The following FGF12 variants were observed in gnomAD, a reference collection of about 807,000 sequenced individuals.
FGF12 encodes fibroblast growth factor 12.
In FGF12, 14 loss-of-function variants were observed where a neutral mutation model predicts 23.6. The observed-to-expected ratio is 0.59, with a 90% CI of 0.39 to 0.93. FGF12 has a LOEUF of 0.93. Ranked by LOEUF, FGF12 falls within the 40% of genes least tolerant of loss-of-function variation. FGF12 has a pLI of 0.00. For synonymous variants in FGF12, 62 were observed against 77.3 expected (o/e 0.80, Z 1.04); for missense variants, 175 against 217.8 (o/e 0.80, Z 1.24).
At chr3:192,473,505 C>T (rs1048144955) in intron 2 of FGF12, among the ~76,000 whole-genome samples, 19 of 152,120 alleles carry the variant, frequency 1.2e-4, no homozygotes, top group African/African-American at 4.3e-4. Flanking sequence ...TTTCTATCTA[C>T]GTGAAAGAAA....
At chr3:192,440,604 C>T (rs1345487345) in intron 2 of FGF12, among the ~76,000 whole-genome samples, 2 of 152,290 alleles carry the variant, frequency 1.3e-5, no homozygotes, top group East Asian at 1.9e-4. Flanking sequence ...ACTAACCCTC[C>T]GCTTTTTCCT....
chr3:192,448,778 ATAT>A (rs1280449141), intron 2 of FGF12, among the ~76,000 whole-genome samples: 28 of 152,182 alleles, frequency 1.8e-4, no homozygotes, highest in Non-Finnish European at 2.9e-4. Flanking sequence ...ATTTCAATAA[ATAT>A]TATTTTTTAT....
At chr3:192,571,462 G>C (rs1035456091) in intron 2 of FGF12, among the ~76,000 whole-genome samples, 1 of 152,244 alleles carries the variant, frequency 6.6e-6, no homozygotes, top group Non-Finnish European at 1.5e-5. Flanking sequence ...GCGACGGAGC[G>C]CGCGAGCAGC....
chr3:192,620,132 C>T (rs780379800), intron 2 of FGF12, among the ~76,000 whole-genome samples: 2 of 152,060 alleles, frequency 1.3e-5, no homozygotes, highest in South Asian at 4.1e-4. Flanking sequence ...TCCATTTTTG[C>T]CGACCTCACT....
chr3:192,560,196 A>T (rs1042344274), intron 2 of FGF12, among the ~76,000 whole-genome samples: 1 of 152,090 alleles, frequency 6.6e-6, no homozygotes, highest in African/African-American at 2.4e-5. Context: ...TCACGAAAAC[A>T]AATCACTCTA....
intron 2 of FGF12, among the ~76,000 whole-genome samples, chr3:192,370,473 T>A (rs1719178877): frequency 6.6e-6 from 1 of 152,132 alleles, no homozygotes; most frequent in South Asian, 2.1e-4. Flanking sequence ...ATCCCAGAAG[T>A]TCAAGGCTGC....
intron 2 of FGF12, among the ~76,000 whole-genome samples, chr3:192,551,394 AGGCCCTT>A (rs1221702746): frequency 6.6e-6 from 1 of 152,254 alleles, no homozygotes. Flanking sequence ...GGTTGCCCTC[AGGCCCTT>A]GGCCAAAAGA....
At chr3:192,571,079 T>TGCG (rs1712611445) in intron 2 of FGF12, among the ~76,000 whole-genome samples, 1 of 143,436 alleles carries the variant, frequency 7.0e-6, no homozygotes, top group Non-Finnish European at 1.6e-5. Flanking sequence ...ACATTGGTGT[T>TGCG]GGGGGGAAAA....
chr3:192,438,050 C>T (rs1722081714), intron 2 of FGF12, among the ~76,000 whole-genome samples: 1 of 152,174 alleles, frequency 6.6e-6, no homozygotes, highest in Admixed American at 6.5e-5. Context: ...ATATACTGAG[C>T]TTGAGTCTCT....
In FGF12 at chr3:192,169,508, C is replaced by T. The variant is rs928865115; in HGVS notation, c.427+950G>A. Among the ~76,000 whole-genome samples, 11 of 152,188 alleles carry T rather than the reference C, an allele frequency of 7.2e-5. No homozygotes were observed. In the South Asian group the frequency reaches 1.7e-3, roughly 23 times the overall value. ...AAGATAGTATTGACTTAAATGTTTGCAGTCACCGTGCTATGTACTATGCAC... is the reference window on the plus strand; with the variant it reads ...AAGATAGTATTGACTTAAATGTTTGTAGTCACCGTGCTATGTACTATGCAC... On this transcript the variant is annotated intron_variant, in intron 5 of 5. Coordinates refer to ENST00000445105, the MANE Select transcript of FGF12 (RefSeq NM_004113.6).
chr3:192,622,089 G>A (rs1296408987), intron 2 of FGF12, among the ~76,000 whole-genome samples: 2 of 152,074 alleles, frequency 1.3e-5, no homozygotes, highest in Non-Finnish European at 2.9e-5. Context: ...AAATGGCATG[G>A]GCACAAATAA....
At chr3:192,259,757 CA>C (rs1712626106) in intron 4 of FGF12, among the ~76,000 whole-genome samples, 1 of 151,970 alleles carries the variant, frequency 6.6e-6, no homozygotes, top group Admixed American at 6.6e-5. Flanking sequence ...GTTCTTACCA[CA>C]AAATAGTGGA....
chr3:192,273,895 A>C, intron 4 of FGF12, among the ~76,000 whole-genome samples: 1 of 143,192 alleles, frequency 7.0e-6, no homozygotes, highest in Admixed American at 7.2e-5. Context: ...CAGGATGTTA[A>C]GTGAGTGAAT....
intron 2 of FGF12, among the ~76,000 whole-genome samples, chr3:192,673,558 G>C (rs1014128884): frequency 6.6e-6 from 1 of 150,478 alleles, no homozygotes; most frequent in Admixed American, 6.7e-5. Context: ...CCCCTGACAG[G>C]CTCCAGTGTG....
rs536058307 is a variant in FGF12, at chr3:192,658,171, A to G, written c.13+69010T>C. Among the ~76,000 whole-genome samples the G allele has an allele frequency of 2.0e-5, 3 of 152,348 alleles. No homozygotes were observed. The South Asian group carries it at 6.2e-4, about 32-fold the overall frequency. On this transcript the variant is annotated intron_variant, in intron 2 of 5. Coordinates refer to ENST00000445105, the MANE Select transcript of FGF12 (RefSeq NM_004113.6). ...CCATGGTAAATGTGCTACATAATCA[A>G]TCAGTCCACTGTTTAAAAAATTACA... is the stretch of plus-strand genomic sequence containing the variant.
chr3:192,260,422 G>A (rs956376522), intron 4 of FGF12, among the ~76,000 whole-genome samples: 3 of 152,118 alleles, frequency 2.0e-5, no homozygotes, highest in African/African-American at 7.2e-5. Flanking sequence ...ATTGGATTCT[G>A]TTCATCCCCA....
chr3:192,673,625 G>A (rs1400931454), intron 2 of FGF12, among the ~76,000 whole-genome samples: 2 of 150,968 alleles, frequency 1.3e-5, no homozygotes, highest in African/African-American at 4.8e-5. Context: ...ACCTATGAGT[G>A]AGAACATGTG....
intron 2 of FGF12, among the ~76,000 whole-genome samples, chr3:192,704,386 G>T (rs1370043327): frequency 6.6e-6 from 1 of 152,190 alleles, no homozygotes; most frequent in Non-Finnish European, 1.5e-5. Flanking sequence ...TCCATGAGAA[G>T]TCTTGGATGA....
chr3:192,498,449 C>G (rs1420575442), intron 2 of FGF12, among the ~76,000 whole-genome samples: 1 of 152,104 alleles, frequency 6.6e-6, no homozygotes, highest in Non-Finnish European at 1.5e-5. Context: ...AGTAGTTCAA[C>G]TGTTCTCTCT....
Sources: allele counts gnomAD v4.1 joint callset (sites outside exome capture counted in the v4.1 genomes callset), GRCh38; gene constraint gnomAD v4.1.1; transcripts MANE v1.5; gene names NCBI Gene and HGNC (gene_info 2026-07-23, HGNC 2026-07-21).